Variants in COCH observed in about 807,000 individuals in gnomAD.
COCH encodes cochlin, also known as coagulation factor C homolog, cochlin (Limulus polyphemus).
A neutral mutation model predicts 54.8 loss-of-function variants in COCH; 40 were observed. The ratio of observed to expected loss-of-function variants is 0.73; its 90% CI spans 0.57 to 0.95. The LOEUF is 0.95. Ranked by LOEUF, COCH falls within the 40% of genes least tolerant of loss-of-function variation. The pLI is 0.00. For missense variants in COCH, 605 were observed against 675.0 expected (o/e 0.90, Z 1.15); for synonymous variants, 256 against 237.9 (o/e 1.08, Z -0.70).
rs1043101984 is a variant in COCH, at chr14:30,878,898, C to A, written c.327C>A (p.Ile109=). ...ATTCCTCAGTAGATGCCAATGGCAT[C>A]CAGTCTCAAATGCTTTCTAGATGGT... ...ENYSSVDANG[I]QSQMLSRWSA... The change falls in exon 5 of 12, where the codon ATC becomes ATA. Residue 109 remains isoleucine (I), a synonymous_variant. Coordinates refer to ENST00000396618, the MANE Select transcript of COCH (RefSeq NM_004086.3). The A allele has an allele frequency of 6.2e-7, 1 of 1,614,014 alleles. No homozygotes were observed. The highest frequency in any genetic ancestry group is 1.3e-5 in the African/African-American group (1 of 74,926).
downstream of COCH, chr14:30,895,202 C>CT (rs1896109676): frequency 8.9e-6 from 5 of 563,048 alleles, no homozygotes; most frequent in Admixed American, 3.4e-5. Context: ...TACTGGAGTC[C>CT]TTTTTTCTTT....
At chr14:30,878,006 C>T (rs1470732770) in intron 4 of COCH, among the ~76,000 whole-genome samples, 1 of 152,182 alleles carries the variant, frequency 6.6e-6, no homozygotes, top group Non-Finnish European at 1.5e-5. Context: ...TGAGTTATTA[C>T]TATGTGCCAC....
Position 30,889,968 on chromosome 14 carries a change from TAC to T in COCH, c.*179_*180del, listed in dbSNP as rs1176516133. On this transcript the variant is annotated 3_prime_UTR_variant, in exon 12 of 12. Coordinates refer to ENST00000396618, the MANE Select transcript of COCH (RefSeq NM_004086.3). ...AAGCCGCTGCCTTCTGGTTACAATT[TAC>T]AGTGTACTTTGTTAAAAACACTGCT... 4 of 1,369,054 alleles carry T rather than the reference TAC, an allele frequency of 2.9e-6. No individual in the cohort carries two copies. Among genetic ancestry groups the T allele is most frequent in the Non-Finnish European group, 3.8e-6 (4 of 1,060,894 alleles). The allele number at this position is 1,369,054 out of a possible 1,614,324, so 84.8% of individuals were successfully genotyped here. A position where few individuals can be genotyped will look rare whatever the true frequency, so the allele number is the denominator to read the frequency against.
chr14:30,881,129 C>A (rs1895565770), intron 8 of COCH, among the ~76,000 whole-genome samples: 1 of 149,952 alleles, frequency 6.7e-6, no homozygotes, highest in Non-Finnish European at 1.5e-5. Context: ...GCAGGAGAAT[C>A]ACTTGGACTC....
Position 30,884,596 on chromosome 14 carries a change from G to A in COCH, c.673G>A (p.Ala225Thr). ...ATTTTACTTGAAAAACTTTACATCA[G>A]CCAAAGATGTTTTGTTTGCCATAAA... ...IEFYLKNFTS[A>T]KDVLFAIKEV... The change falls in exon 9 of 12, where the codon GCC becomes ACC. Residue 225 changes from alanine to threonine, a missense_variant. Coordinates refer to ENST00000396618, the MANE Select transcript of COCH (RefSeq NM_004086.3). 1 of 1,613,752 alleles carries A rather than the reference G, an allele frequency of 6.2e-7. No homozygotes were observed. Among genetic ancestry groups the A allele is most frequent in the Non-Finnish European group, 8.5e-7 (1 of 1,179,794 alleles).
Position 30,884,623 on chromosome 14 carries a change from G to A in COCH, c.700G>A (p.Glu234Lys), listed in dbSNP as rs991789736. 28 of 1,613,544 alleles carry A rather than the reference G, an allele frequency of 1.7e-5. No homozygotes were observed. The highest frequency in any genetic ancestry group is 1.0e-4 in the Admixed American group (6 of 59,994). The change falls in exon 9 of 12, where the codon GAA becomes AAA. Residue 234 changes from glutamate to lysine, a missense_variant. Glu to Lys is a moderately conservative substitution (Grantham distance 56, BLOSUM62 1). Transcript: ENST00000396618. Reference protein sequence around the residue: ...SAKDVLFAIKEVGFRGGNSNT... With the variant: ...SAKDVLFAIKKVGFRGGNSNT... ...CAAAGATGTTTTGTTTGCCATAAAG[G>A]AAGTAGGTTTCAGAGGGGGTAATTC...
chr14:30,883,953 A>T (rs1322275345), intron 8 of COCH, among the ~76,000 whole-genome samples: 2 of 152,178 alleles, frequency 1.3e-5, no homozygotes, highest in East Asian at 3.8e-4. Context: ...GGTCACATCA[A>T]TGAAATTGTT....
In COCH at chr14:30,877,423, A is replaced by T; in HGVS notation, c.83-149A>T. 2 of 957,696 alleles carry T rather than the reference A, an allele frequency of 2.1e-6. No homozygotes were observed. Among genetic ancestry groups the T allele is most frequent in the Non-Finnish European group, 3.1e-6 (2 of 649,540 alleles). The allele number at this position is 957,696 out of a possible 1,614,324, so 59.3% of individuals were successfully genotyped here. On this transcript the variant is annotated intron_variant, in intron 3 of 11. Coordinates refer to ENST00000396618, the MANE Select transcript of COCH (RefSeq NM_004086.3). This position sits in a 1 kb window ranked among gnomAD's most constrained non-coding sequence, Gnocchi z 8.6. Reference sequence around the variant, plus strand: ...AACCTTGTGGCTTGCCAAAATCTGGAATGGTATGGAAGGGTATATAAGTCA... The same window carrying T: ...AACCTTGTGGCTTGCCAAAATCTGGTATGGTATGGAAGGGTATATAAGTCA...
intron 11 of COCH, among the ~76,000 whole-genome samples, chr14:30,888,663 T>A (rs1895875011): frequency 6.6e-6 from 1 of 151,962 alleles, no homozygotes; most frequent in Non-Finnish European, 1.5e-5. Flanking sequence ...TGGCATGCGC[T>A]TGTAGTCCCA....
In COCH at chr14:30,890,571, T is replaced by C; in HGVS notation, c.*780T>C. The C allele has an allele frequency of 1.0e-6, 1 of 968,932 alleles. No homozygotes were observed. The highest frequency in any genetic ancestry group is 1.2e-6 in the Non-Finnish European group (1 of 814,584). 60.0% of individuals were successfully genotyped at this position (968,932 alleles called of 1,614,324 possible). ...ATTTCAAATAACTGCAGAAAAAATA[T>C]TGTAGTTTGAATATTTAAGCAATAA... is the stretch of plus-strand genomic sequence containing the variant. On this transcript the variant is annotated 3_prime_UTR_variant, in exon 12 of 12. Transcript: ENST00000396618.
intron 3 of COCH, chr14:30,875,551 G>A (rs1318792575): frequency 8.1e-6 from 4 of 495,136 alleles, no homozygotes; most frequent in Non-Finnish European, 1.4e-5. Flanking sequence ...GGCGAACGTC[G>A]CTGTCCCACC....
chr14:30,887,475 A>G (rs1371387437), intron 11 of COCH, among the ~76,000 whole-genome samples: 1 of 152,074 alleles, frequency 6.6e-6, no homozygotes, highest in African/African-American at 2.4e-5. Flanking sequence ...ATAAAAGGGT[A>G]TAAGAAGGGT....
Position 30,889,650 on chromosome 14 carries a change from A to G in COCH, c.1512A>G (p.Ala504=). The G allele has an allele frequency of 6.2e-7, 1 of 1,614,044 alleles. No individual in the cohort carries two copies. Among genetic ancestry groups the G allele is most frequent in the East Asian group, 2.2e-5 (1 of 44,864 alleles). ...TCTTCTCTGTTGGTGTGGCTTGGGCACCTCTGGATGACCTGAAAGATATGG... is the reference window on the plus strand; with the variant it reads ...TCTTCTCTGTTGGTGTGGCTTGGGCGCCTCTGGATGACCTGAAAGATATGG... The part of the protein sequence containing the change: ...ITIFSVGVAW[A]PLDDLKDMAS... The change falls in exon 12 of 12, where the codon GCA becomes GCG. Residue 504 remains alanine, a synonymous_variant. Coordinates refer to ENST00000396618, the MANE Select transcript of COCH (RefSeq NM_004086.3).
rs747323881 is a variant in COCH at position 30,879,453 on chromosome 14, G to A, written c.404G>A (p.Gly135Glu). The change falls in exon 6 of 12, where the codon GGA becomes GAA. Residue 135 changes from glycine (G) to glutamate (E), a missense_variant. By Grantham distance (98) the Gly-to-Glu change is moderately conservative. Coordinates refer to ENST00000396618, the MANE Select transcript of COCH (RefSeq NM_004086.3). ...AAAAGTAGTACACAGGAGGCCACAG[G>A]ACAAGCAGTGTCCACAGCACATCCA... ...KGKSSTQEATGQAVSTAHPPT... is the reference protein window; with the variant it reads ...KGKSSTQEATEQAVSTAHPPT... 2 of 1,613,916 alleles carry A rather than the reference G, an allele frequency of 1.2e-6. No homozygotes were observed. The highest frequency in any genetic ancestry group is 1.7e-6 in the Non-Finnish European group (2 of 1,180,004).
chr14:30,878,649 G>T (rs751974067), intron 4 of COCH, among the ~76,000 whole-genome samples, 162 bp from the exon 5 acceptor site: 1 of 152,002 alleles, frequency 6.6e-6, no homozygotes, highest in South Asian at 2.1e-4. Context: ...AGAGCGAGAC[G>T]CCATCAAATA....
rs761209524 is a variant in COCH, at chr14:30,885,454, G to C, written c.794G>C (p.Gly265Ala). The change falls in exon 10 of 12, where the codon GGG (glycine) becomes GCG (alanine). Residue 265 changes from glycine (G) to alanine (A), a missense_variant. Transcript: ENST00000396618. Reference sequence around the variant, plus strand: ...ACGGTAGATGCTGGAGTAAGAAAAGGGATCCCCAAAGTGGTGGTGGTATTT... The same window carrying C: ...ACGGTAGATGCTGGAGTAAGAAAAGCGATCCCCAAAGTGGTGGTGGTATTT... ...FFTVDAGVRK[G>A]IPKVVVVFID... is the part of the protein sequence containing the mutation. 4.3e-6 allele frequency: 7 copies of C among 1,614,008 alleles called. No individual in the cohort carries two copies. The South Asian group carries it at 6.6e-5, about 15-fold the overall frequency.
chr14:30,893,316 TTG>T (rs1185511261), downstream of COCH, among the ~76,000 whole-genome samples: 4 of 151,478 alleles, frequency 2.6e-5, no homozygotes, highest in Admixed American at 6.6e-5. Context: ...CCGGCTAATT[TTG>T]TGTGTGTGTG....
intron 9 of COCH, 139 bp from the exon 10 acceptor site, chr14:30,885,252 TATA>T: frequency 1.0e-6 from 1 of 953,644 alleles, no homozygotes; most frequent in Admixed American, 2.1e-5. Flanking sequence ...CTGGGTTCTA[TATA>T]ATTCTTTTTT....
At chr14:30,884,453 T>C in intron 8 of COCH, 100 bp from the exon 9 acceptor site, 1 of 772,780 alleles carries the variant, frequency 1.3e-6, no homozygotes, top group East Asian at 2.7e-5. Context: ...GAAAGAAACT[T>C]GTGTGTTGTC....
Sources: allele counts gnomAD v4.1 joint callset (sites outside exome capture counted in the v4.1 genomes callset), GRCh38; gene constraint gnomAD v4.1.1; non-coding constraint Gnocchi (gnomAD v3.1); transcripts MANE v1.5; gene names NCBI Gene and HGNC (gene_info 2026-07-23, HGNC 2026-07-21).